The following COLEC10 variants were observed in gnomAD, a reference collection of about 807,000 sequenced individuals.
The protein encoded by COLEC10 is collectin-10.
COLEC10 carries 22 observed loss-of-function variants against 28.4 expected under a neutral mutation model. That is an observed-to-expected ratio of 0.78 (90% CI 0.55 to 1.11). The LOEUF (loss-of-function observed/expected upper bound fraction) is 1.11, where lower values mean the gene tolerates loss of function less well. Among genes scored for constraint, COLEC10 ranks in the 50% least tolerant of loss-of-function variants. The pLI, the probability that COLEC10 is intolerant of heterozygous loss-of-function variation, is 0.00. For missense variants in COLEC10, 361 were observed against 344.1 expected (o/e 1.05, Z -0.39); for synonymous variants, 125 against 116.1 (o/e 1.08, Z -0.49).
chr8:119,091,554 C>CGAAA (rs768498797), intron 3 of COLEC10, among the ~76,000 whole-genome samples: 170 of 130,888 alleles, frequency 1.3e-3, no homozygotes, highest in East Asian at 3.0e-3. Context: ...GACCCTGTCT[C>CGAAA]GAAAGAAAGA....
At chr8:119,032,547 C>G (rs12682153) in intron 2 of COLEC10, among the ~76,000 whole-genome samples, 6,683 of 152,256 alleles carry the variant, frequency 0.044, 212 homozygotes, top group East Asian at 0.16. Flanking sequence ...TTGCCCATCT[C>G]TTTACAAGAG....
chr8:118,974,684 C>T, the COLEC10 span, among the ~76,000 whole-genome samples: 8 of 152,078 alleles, frequency 5.3e-5, no homozygotes, highest in Middle Eastern at 3.4e-3. Flanking sequence ...TTTACGTAAA[C>T]GTATAAAGTC....
At chr8:119,097,691 G>C (rs1815747914) in intron 3 of COLEC10, among the ~76,000 whole-genome samples, 1 of 151,888 alleles carries the variant, frequency 6.6e-6, no homozygotes, top group South Asian at 2.1e-4. Context: ...TAAACCACTG[G>C]TTAAAGACAG....
chr8:119,039,147 TG>T (rs1814445514), intron 2 of COLEC10, among the ~76,000 whole-genome samples: 1 of 152,128 alleles, frequency 6.6e-6, no homozygotes, highest in African/African-American at 2.4e-5. Flanking sequence ...AACCTTCATT[TG>T]GGGGTGCTCT....
chr8:119,069,377 T>G (rs1196011684), intron 1 of COLEC10, among the ~76,000 whole-genome samples: 1 of 151,654 alleles, frequency 6.6e-6, no homozygotes, highest in Non-Finnish European at 1.5e-5. Flanking sequence ...GGTGGATCAC[T>G]TGAGTCCAAG....
At chr8:119,036,990 C>G (rs1253576655) in intron 2 of COLEC10, among the ~76,000 whole-genome samples, 1 of 152,046 alleles carries the variant, frequency 6.6e-6, no homozygotes, top group African/African-American at 2.4e-5. Context: ...AAGCAGAAGC[C>G]AGAGCACATG....
chr8:119,038,348 A>G (rs1330551466), intron 2 of COLEC10, among the ~76,000 whole-genome samples: 1 of 152,248 alleles, frequency 6.6e-6, no homozygotes, highest in Non-Finnish European at 1.5e-5. Flanking sequence ...CATTCCCTTA[A>G]GAATATCAAA....
intron 1 of COLEC10, among the ~76,000 whole-genome samples, chr8:119,000,166 G>A (rs956794253): frequency 3.3e-5 from 5 of 152,174 alleles, no homozygotes; most frequent in African/African-American, 1.2e-4. Context: ...TGCAGATTCA[G>A]ATAAAAGGAG....
At chr8:119,027,284 T>G (rs1814209786) in intron 2 of COLEC10, among the ~76,000 whole-genome samples, 1 of 152,166 alleles carries the variant, frequency 6.6e-6, no homozygotes, top group Non-Finnish European at 1.5e-5. Flanking sequence ...ACCTTGGACT[T>G]CTCCTAGACT....
intron 1 of COLEC10, among the ~76,000 whole-genome samples, chr8:119,079,333 T>C (rs1427607050): frequency 6.6e-6 from 1 of 152,128 alleles, no homozygotes; most frequent in Non-Finnish European, 1.5e-5. Flanking sequence ...GCTTAAAGAA[T>C]TTAAATGGGT....
At chr8:119,023,871 C>G (rs183669350) in intron 2 of COLEC10, among the ~76,000 whole-genome samples, 2 of 151,950 alleles carry the variant, frequency 1.3e-5, no homozygotes, top group East Asian at 1.9e-4. Context: ...TGCAAAAGCA[C>G]GTGTTTTGGT....
upstream of COLEC10, among the ~76,000 whole-genome samples, chr8:119,065,429 C>T (rs1346588719): frequency 6.6e-6 from 1 of 152,172 alleles, no homozygotes; most frequent in Non-Finnish European, 1.5e-5. Flanking sequence ...TGTCTCCCAT[C>T]ATCCCCAGAT....
At chr8:119,049,401 CTTTTT>C (rs34885340) in intron 2 of COLEC10, among the ~76,000 whole-genome samples, 2 of 60,080 alleles carry the variant, frequency 3.3e-5, no homozygotes, top group Non-Finnish European at 5.7e-5. Context: ...ATTTTCTTTT[CTTTTT>C]TTTTTTTTTT....
At chr8:118,980,465 T>A in the COLEC10 span, among the ~76,000 whole-genome samples, 1 of 152,096 alleles carries the variant, frequency 6.6e-6, no homozygotes, top group South Asian at 2.1e-4. Context: ...AGGGCTAGGA[T>A]TACAGGCGTG....
intron 2 of COLEC10, among the ~76,000 whole-genome samples, chr8:119,043,913 T>C (rs1327498393): frequency 6.6e-6 from 1 of 152,230 alleles, no homozygotes; most frequent in Admixed American, 6.5e-5. Flanking sequence ...TTTTTTTCTT[T>C]CTTGTTCTTT....
chr8:119,106,072 C>G lies in COLEC10; in HGVS notation c.715C>G (p.Pro239Ala). ...QNYSNWNEGE[P>A]SDPYGHEDCV... ...CTATAGCAACTGGAATGAGGGGGAA[C>G]CCAGCGACCCCTATGGTCATGAGGA... Residue 239 changes from proline to alanine, a missense_variant, in exon 6 of 6, where the codon CCC becomes GCC. Around this residue, in one of 3 missense-constraint regions of COLEC10, gnomAD observed 335 missense variants for 308.5 expected, o/e 1.09. Coordinates refer to ENST00000332843, the MANE Select transcript of COLEC10 (RefSeq NM_006438.5). 1 of 1,613,874 alleles carries G rather than the reference C, an allele frequency of 6.2e-7. No individual in the cohort carries two copies. The highest frequency in any genetic ancestry group is 8.5e-7 in the Non-Finnish European group (1 of 1,179,888).
At chr8:119,046,734 C>A (rs1257187543) in intron 2 of COLEC10, among the ~76,000 whole-genome samples, 1 of 152,108 alleles carries the variant, frequency 6.6e-6, no homozygotes, top group African/African-American at 2.4e-5. Flanking sequence ...TGATTATAAT[C>A]TTTATTTTAG....
At chr8:119,102,281 CTTCCT>C (rs1386324297) in intron 3 of COLEC10, 62 bp from the exon 4 acceptor site, 3 of 793,998 alleles carry the variant, frequency 3.8e-6, no homozygotes, top group African/African-American at 2.0e-5. Flanking sequence ...TCCTTCCTTC[CTTCCT>C]TTTTTCCTTT....
At chr8:118,956,828 C>G in the COLEC10 span, among the ~76,000 whole-genome samples, 1 of 152,096 alleles carries the variant, frequency 6.6e-6, no homozygotes, top group African/African-American at 2.4e-5. Context: ...TTGTCTATAC[C>G]TGGCTAATGA....
Sources: gnomAD v4.1 joint callset for allele counts (sites outside exome capture counted in the v4.1 genomes callset) on GRCh38, gnomAD v4.1.1 for gene constraint, gnomAD v4.1.1 regional missense constraint, MANE v1.5 for transcripts, NCBI Gene and HGNC (gene_info 2026-07-23, HGNC 2026-07-21) for gene names.